The following TAFA2 variants were observed in gnomAD, a reference collection of about 807,000 sequenced individuals.
TAFA2 encodes the protein chemokine-like protein TAFA-2.
A neutral mutation model predicts 18.8 loss-of-function variants in TAFA2; 7 were observed. The ratio of observed to expected loss-of-function variants is 0.37; its 90% CI spans 0.21 to 0.70. The LOEUF is 0.70. Ranked by LOEUF, TAFA2 falls within the 30% of genes least tolerant of loss-of-function variation. TAFA2 has a pLI of 0.53. For missense variants in TAFA2, 122 were observed against 158.1 expected (o/e 0.77, Z 1.23); for synonymous variants, 60 against 54.2 (o/e 1.11, Z -0.47).
At chr12:62,040,146 G>T (rs1159876376) in intron 1 of TAFA2, among the ~76,000 whole-genome samples, 1 of 152,080 alleles carries the variant, frequency 6.6e-6, no homozygotes, top group African/African-American at 2.4e-5. Flanking sequence ...AATAGCCAGG[G>T]TCCAATGTAA....
chr12:61,974,803 A>G (rs79573260), intron 1 of TAFA2, among the ~76,000 whole-genome samples: 3,202 of 151,864 alleles, frequency 0.021, 129 homozygotes, highest in African/African-American at 0.073. Context: ...GAGGGGGAAG[A>G]GTAAGGTCTT....
At chr12:61,997,750 TG>T (rs1450167221) in intron 1 of TAFA2, among the ~76,000 whole-genome samples, 2 of 150,712 alleles carry the variant, frequency 1.3e-5, no homozygotes, top group African/African-American at 2.4e-5. Context: ...TGACTTTACA[TG>T]TTTAAAAAAA....
chr12:61,818,165 C>T (rs1463813364), intron 2 of TAFA2, among the ~76,000 whole-genome samples: 1 of 152,170 alleles, frequency 6.6e-6, no homozygotes, highest in Admixed American at 6.5e-5. Context: ...TCTCTTTACC[C>T]TCCTTACTCT....
chr12:62,057,890 C>T (rs1439727025), intron 1 of TAFA2, among the ~76,000 whole-genome samples: 1 of 152,138 alleles, frequency 6.6e-6, no homozygotes, highest in South Asian at 2.1e-4. Context: ...TCTTCGCTCA[C>T]CATTCCCTCT....
intron 1 of TAFA2, among the ~76,000 whole-genome samples, chr12:62,134,100 C>A (rs957767462): frequency 6.6e-6 from 1 of 151,746 alleles, no homozygotes; most frequent in Admixed American, 6.6e-5. Context: ...TTTCTCTTCC[C>A]CTTCTTATGC....
At chr12:61,853,399 T>C (rs17125422) in intron 2 of TAFA2, among the ~76,000 whole-genome samples, 4,745 of 151,966 alleles carry the variant, frequency 0.031, 256 homozygotes, top group African/African-American at 0.11. Context: ...AGGAAGAGTA[T>C]AAAAAAAATT....
At position 61,740,856 on chromosome 12, in the gene TAFA2, GA is replaced by G. The variant is rs375897192; in HGVS notation, c.384+12765del. Among the ~76,000 whole-genome samples, 910 of 143,516 alleles carry G rather than the reference GA, an allele frequency of 6.3e-3. 6 individuals are homozygous for G. Among genetic ancestry groups the G allele is most frequent in the African/African-American group, 0.02 (773 of 39,544 alleles). 94.2% of individuals were successfully genotyped at this position (143,516 alleles called of 152,430 possible). On this transcript the variant is annotated intron_variant, in intron 4 of 4. Coordinates refer to ENST00000416284, the MANE Select transcript of TAFA2 (RefSeq NM_178539.5). ...GGAAGCCAACATTGCTACTTAATAG[GA>G]AAAAAAAAAATGCCATAATACTGAA...
At chr12:62,247,942 GTTTC>G (rs1449841464) in intron 1 of TAFA2, among the ~76,000 whole-genome samples, 2 of 152,062 alleles carry the variant, frequency 1.3e-5, no homozygotes, top group Non-Finnish European at 2.9e-5. Context: ...TTGAGTTTTT[GTTTC>G]TTTTTCTTTT....
chr12:62,104,606 T>C (rs1592337597), intron 1 of TAFA2: 4 of 400,496 alleles, frequency 1.0e-5, no homozygotes, highest in African/African-American at 2.1e-5. Context: ...TTCCAGAGAA[T>C]GAAAGAAATC....
intron 1 of TAFA2, among the ~76,000 whole-genome samples, chr12:62,163,861 G>A (rs1020350420): frequency 3.9e-5 from 6 of 152,212 alleles, no homozygotes; most frequent in Middle Eastern, 3.4e-3. Context: ...GTATTAACGT[G>A]TAGTATTTCT....
chr12:62,145,497 T>A lies in TAFA2; in HGVS notation c.-2+45762A>T, dbSNP rs1270768703. ...TGTCTTCCACGAAACCGGAGTCTGTTGCCAAAAATGTTGGGGACCACTGAT... is the reference window on the plus strand; with the variant it reads ...TGTCTTCCACGAAACCGGAGTCTGTAGCCAAAAATGTTGGGGACCACTGAT... On this transcript the variant is annotated intron_variant, in intron 1 of 4. Transcript: ENST00000416284. 9 of 152,290 alleles carry A rather than the reference T, an allele frequency of 5.9e-5. No individual in the cohort carries two copies. The East Asian group carries it at 1.5e-3, about 26-fold the overall frequency. 9.4% of individuals were successfully genotyped at this position (152,290 alleles called of 1,614,324 possible).
At chr12:61,746,098 A>G (rs1868693404) in intron 4 of TAFA2, among the ~76,000 whole-genome samples, 1 of 152,068 alleles carries the variant, frequency 6.6e-6, no homozygotes, top group Non-Finnish European at 1.5e-5. Context: ...TAATCCCTAT[A>G]ATCCCCACAT....
chr12:61,982,027 C>T (rs931192832), intron 1 of TAFA2, among the ~76,000 whole-genome samples: 6 of 152,140 alleles, frequency 3.9e-5, no homozygotes, highest in African/African-American at 1.4e-4. Context: ...ATAGCAAAGA[C>T]TTGGAACCAA....
In TAFA2 at chr12:62,234,724, G is replaced by A. The variant is rs12427097; in HGVS notation, c.-130+24039C>T. On this transcript the variant is annotated intron_variant, in intron 1 of 5. Transcript: ENST00000551619. ...TAAGGCCTTGCCTCTGAGGAGCCCCGTCTACCAGTCCTTTCCTGAGGCCTG... is the reference window on the plus strand; with the variant it reads ...TAAGGCCTTGCCTCTGAGGAGCCCCATCTACCAGTCCTTTCCTGAGGCCTG... 1,266 of 1,095,058 alleles carry A rather than the reference G, an allele frequency of 1.2e-3. 13 individuals are homozygous for A. In the Admixed American group the frequency reaches 0.017, roughly 15 times the overall value. 67.8% of individuals were successfully genotyped at this position (1,095,058 alleles called of 1,614,324 possible). A position where few individuals can be genotyped will look rare whatever the true frequency, so the allele number is the denominator to read the frequency against.
chr12:62,006,203 G>T lies in TAFA2; in HGVS notation c.-1-138777C>A, dbSNP rs573728753. On this transcript the variant is annotated intron_variant, in intron 1 of 4. Coordinates refer to ENST00000416284, the MANE Select transcript of TAFA2 (RefSeq NM_178539.5). ...CTTTTGTTTTGTAAACCAAGCACAT[G>T]AGATTTGAAAGTTTATCAGTGGTTT... 3.4e-4 allele frequency among the ~76,000 whole-genome samples: 52 copies of T among 152,260 alleles called. No individual in the cohort carries two copies. In the Middle Eastern group the frequency reaches 0.01, roughly 30 times the overall value.
intron 1 of TAFA2, among the ~76,000 whole-genome samples, chr12:62,159,002 C>G (rs2062389434): frequency 6.6e-6 from 1 of 152,124 alleles, no homozygotes; most frequent in Non-Finnish European, 1.5e-5. Context: ...ACAGATTATA[C>G]AGGTATGATA....
At chr12:62,100,634 C>A (rs1277376131) in intron 1 of TAFA2, among the ~76,000 whole-genome samples, 1 of 152,040 alleles carries the variant, frequency 6.6e-6, no homozygotes, top group Non-Finnish European at 1.5e-5. Flanking sequence ...ACAGTGTAGA[C>A]CTTTCTATAA....
intron 1 of TAFA2, among the ~76,000 whole-genome samples, chr12:61,966,462 C>T (rs1252156914): frequency 6.6e-6 from 1 of 151,894 alleles, no homozygotes; most frequent in Non-Finnish European, 1.5e-5. Context: ...CTCTTAAAGA[C>T]CCACCTCTTA....
At chr12:61,833,904 C>T (rs1310373652) in intron 2 of TAFA2, among the ~76,000 whole-genome samples, 1 of 151,960 alleles carries the variant, frequency 6.6e-6, no homozygotes, top group African/African-American at 2.4e-5. Context: ...TTAAAACACA[C>T]ATAATCAAGC....
Sources: gnomAD v4.1 joint callset for allele counts (sites outside exome capture counted in the v4.1 genomes callset) on GRCh38, gnomAD v4.1.1 for gene constraint, MANE v1.5 for transcripts, NCBI Gene and HGNC (gene_info 2026-07-23, HGNC 2026-07-21) for gene names.